SYT16: variants seen among roughly 807,000 people sequenced by gnomAD.
SYT16 encodes synaptotagmin 16.
In SYT16, 42 loss-of-function variants were observed where a neutral mutation model predicts 61.4. That is an observed-to-expected ratio of 0.68 (90% CI 0.53 to 0.89). The LOEUF (loss-of-function observed/expected upper bound fraction) is 0.89. SYT16 is among the 40% of genes least tolerant of loss of function. SYT16 has a pLI of 0.00. For synonymous variants in SYT16, 314 were observed against 302.3 expected (o/e 1.04, Z -0.40); for missense variants, 804 against 807.3 (o/e 1.00, Z 0.05).
chr14:61,927,967 G>T (rs2049602438), intron 1 of SYT16, among the ~76,000 whole-genome samples: 1 of 152,228 alleles, frequency 6.6e-6, no homozygotes, highest in Non-Finnish European at 1.5e-5. Context: ...GTTCCAGAGA[G>T]CTGGGTAAGT....
intron 1 of SYT16, among the ~76,000 whole-genome samples, chr14:61,857,522 G>A (rs1015301376): frequency 1.3e-5 from 2 of 152,208 alleles, no homozygotes; most frequent in East Asian, 1.9e-4. Context: ...AGAAAGCAAT[G>A]TAATGGAGTG....
intron 1 of SYT16, among the ~76,000 whole-genome samples, chr14:61,840,532 T>C (rs895509848): frequency 6.6e-6 from 1 of 152,346 alleles, no homozygotes; most frequent in African/African-American, 2.4e-5. Flanking sequence ...AGGGTGGCCG[T>C]AGCAGGCAAA....
chr14:61,830,522 C>T (rs1295597274), intron 1 of SYT16, among the ~76,000 whole-genome samples: 1 of 152,040 alleles, frequency 6.6e-6, no homozygotes, highest in Non-Finnish European at 1.5e-5. Flanking sequence ...AGTTCAGTTC[C>T]CAAAACTTTA....
intron 1 of SYT16, among the ~76,000 whole-genome samples, chr14:61,813,492 C>G (rs2045332303): frequency 6.6e-6 from 1 of 152,214 alleles, no homozygotes; most frequent in African/African-American, 2.4e-5. Context: ...CGTTTGAAGC[C>G]AGATACGTAT....
intron 3 of SYT16, among the ~76,000 whole-genome samples, chr14:62,009,117 C>G (rs1361823384): frequency 2.0e-5 from 3 of 152,114 alleles, no homozygotes; most frequent in Non-Finnish European, 4.4e-5. Flanking sequence ...CCAAAAGAGT[C>G]ATAGTCAATA....
chr14:61,846,181 G>C (rs2046441812), intron 1 of SYT16, among the ~76,000 whole-genome samples: 1 of 152,148 alleles, frequency 6.6e-6, no homozygotes, highest in African/African-American at 2.4e-5. Context: ...CTATAGTGCA[G>C]ATTAAATCTG....
At chr14:61,816,229 A>G (rs559477838) in intron 1 of SYT16, among the ~76,000 whole-genome samples, 2 of 142,928 alleles carry the variant, frequency 1.4e-5, no homozygotes, top group Non-Finnish European at 3.1e-5. Context: ...GGCAACCTGC[A>G]GTTTCCTTTC....
At chr14:61,934,658 G>A (rs1264177568) in intron 1 of SYT16, among the ~76,000 whole-genome samples, 1 of 152,192 alleles carries the variant, frequency 6.6e-6, no homozygotes, top group Non-Finnish European at 1.5e-5. Flanking sequence ...GGCAGAGATT[G>A]GTCTGGACTG....
At chr14:61,969,571 G>T (rs913945465) in intron 1 of SYT16, among the ~76,000 whole-genome samples, 1 of 152,174 alleles carries the variant, frequency 6.6e-6, no homozygotes, top group Non-Finnish European at 1.5e-5. Context: ...TGGATGGCAT[G>T]AATTATTAAT....
intron 1 of SYT16, among the ~76,000 whole-genome samples, chr14:61,848,907 C>A (rs61527357): frequency 0.01 from 1,548 of 152,230 alleles, 22 homozygotes; most frequent in African/African-American, 0.032. Flanking sequence ...CCACAGGTGG[C>A]AATGTGCTGG....
intron 1 of SYT16, among the ~76,000 whole-genome samples, chr14:61,909,629 A>AC (rs1389285700): frequency 6.6e-6 from 1 of 151,934 alleles, no homozygotes; most frequent in African/African-American, 2.4e-5. Context: ...ATGTCCAAAG[A>AC]CCCCTTTTTC....
At chr14:62,068,942 C>T (rs939782501) in intron 3 of SYT16, among the ~76,000 whole-genome samples, 1 of 152,066 alleles carries the variant, frequency 6.6e-6, no homozygotes, top group Non-Finnish European at 1.5e-5. Context: ...ATTACAGGCT[C>T]CTGACACCGT....
intron 4 of SYT16, among the ~76,000 whole-genome samples, chr14:62,074,297 G>A (rs1250797236): frequency 6.6e-6 from 1 of 152,182 alleles, no homozygotes; most frequent in Non-Finnish European, 1.5e-5. Flanking sequence ...GGAGTTGGTG[G>A]TGCTTTGTAT....
chr14:61,865,281 A>C (rs2047111398), intron 1 of SYT16: 1 of 786,016 alleles, frequency 1.3e-6, no homozygotes, highest in Non-Finnish European at 2.2e-6. Flanking sequence ...CTTTTGCCTC[A>C]TGCCCTACAC....
At chr14:62,006,345 A>G (rs193228197) in intron 3 of SYT16, among the ~76,000 whole-genome samples, 9 of 152,256 alleles carry the variant, frequency 5.9e-5, no homozygotes, top group African/African-American at 1.7e-4. Context: ...TACGCTAGGG[A>G]AAAGCAGCAT....
At chr14:62,053,208 A>G (rs1023075679) in intron 3 of SYT16, among the ~76,000 whole-genome samples, 7 of 152,332 alleles carry the variant, frequency 4.6e-5, no homozygotes, top group South Asian at 2.1e-4. Context: ...TGAACAGTAA[A>G]GTCCATTCTG....
chr14:62,065,724 C>G (rs950059262), intron 3 of SYT16, among the ~76,000 whole-genome samples: 32 of 152,098 alleles, frequency 2.1e-4, no homozygotes, highest in African/African-American at 6.0e-4. Context: ...ATGTATCTCC[C>G]CAGGTGCTTA....
chr14:61,882,025 G>T (rs890273447), intron 1 of SYT16, among the ~76,000 whole-genome samples: 2 of 151,990 alleles, frequency 1.3e-5, no homozygotes, highest in Non-Finnish European at 2.9e-5. Context: ...CCATTATATT[G>T]AATTAATGAA....
chr14:61,858,309 C>T (rs192988247), intron 1 of SYT16, among the ~76,000 whole-genome samples: 9 of 151,938 alleles, frequency 5.9e-5, no homozygotes, highest in African/African-American at 2.2e-4. Context: ...TCTCCTTTCC[C>T]GTTAAGCCAT....
Sources: gnomAD v4.1 joint callset for allele counts (sites outside exome capture counted in the v4.1 genomes callset) on GRCh38, gnomAD v4.1.1 for gene constraint, MANE v1.5 for transcripts, NCBI Gene and HGNC (gene_info 2026-07-23, HGNC 2026-07-21) for gene names.